CLCN5: variants seen among roughly 807,000 people sequenced by gnomAD.
The protein encoded by CLCN5 is H(+)/Cl(-) exchange transporter 5.
Under a neutral mutation model 54.0 loss-of-function variants are expected in CLCN5, and 17 were observed. The observed-to-expected ratio is 0.31, with a 90% CI of 0.22 to 0.47. The LOEUF is 0.47. Ranked by LOEUF, CLCN5 falls within the 20% of genes least tolerant of loss-of-function variation. The pLI is 1.00. For synonymous variants in CLCN5, 222 were observed against 233.0 expected (o/e 0.95, Z 0.43); for missense variants, 448 against 646.7 (o/e 0.69, Z 3.33).
chrX:49,923,808 G>C (rs1453931654), intron 2 of CLCN5: 2 of 112,081 alleles, frequency 1.8e-5, no homozygotes, highest in Non-Finnish European at 3.8e-5. Context: ...TTTCTCTGTT[G>C]GTGTTTTGGG....
intron 3 of CLCN5, among the ~76,000 whole-genome samples, chrX:50,029,359 G>T (rs1931577240): frequency 3.1e-5 from 3 of 98,167 alleles, no homozygotes; most frequent in African/African-American, 1.2e-4. Context: ...GTGTCCATGT[G>T]TTCTCTTTGT....
In CLCN5 at chrX:49,954,289, A is replaced by G. The variant is rs782316899; in HGVS notation, c.16+28975A>G. On this transcript the variant is annotated intron_variant, in intron 3 of 14. Coordinates refer to ENST00000376091, the MANE Select transcript of CLCN5 (RefSeq NM_001127898.4). ...CTGTGGGTCACGTGCAGTCCAGTAC[A>G]GCTTTGAATGTGGCCCAACACAAAT... 1.2e-4 allele frequency among the ~76,000 whole-genome samples: 13 copies of G among 111,654 alleles called. No individual in the cohort carries two copies. The South Asian group carries it at 3.7e-3, about 32-fold the overall frequency.
intron 9 of CLCN5, among the ~76,000 whole-genome samples, chrX:50,083,679 G>T (rs183216913): frequency 1.1e-4 from 12 of 111,976 alleles, no homozygotes; most frequent in Admixed American, 4.7e-4. Context: ...TTTTCTGAGT[G>T]AAATTCCAAT....
At chrX:50,055,145 A>G (rs782336670) in intron 4 of CLCN5, among the ~76,000 whole-genome samples, 1 of 111,916 alleles carries the variant, frequency 8.9e-6, no homozygotes. Context: ...CCAGTAGAAC[A>G]TTCTCAGTTA....
intron 3 of CLCN5, among the ~76,000 whole-genome samples, chrX:49,975,216 C>G (rs1928419393): frequency 9.0e-6 from 1 of 111,281 alleles, no homozygotes; most frequent in South Asian, 3.8e-4. Flanking sequence ...TAAATAACTC[C>G]TACATCCTTA....
rs1380930827 is a variant in CLCN5, at chrX:50,097,269, C to T, written c.*5050C>T. On this transcript the variant is annotated 3_prime_UTR_variant, in exon 15 of 15. Transcript: ENST00000376091. ...CATTCTCATTTCTAAACATCTGGAT[C>T]TGGGTAAAGGTTTGAATAGATGTAG... 8.9e-6 allele frequency: 1 copy of T among 112,409 alleles called. No homozygotes were observed. Among genetic ancestry groups the T allele is most frequent in the Admixed American group, 9.5e-5 (1 of 10,579 alleles). The allele number at this position is 112,409 out of a possible 1,213,427, so 9.3% of individuals were successfully genotyped here. A position where few individuals can be genotyped will look rare whatever the true frequency, so the allele number is the denominator to read the frequency against.
chrX:50,077,864 C>CAT (rs1385772150), intron 7 of CLCN5, among the ~76,000 whole-genome samples: 7 of 72,482 alleles, frequency 9.7e-5, no homozygotes, highest in Non-Finnish European at 1.7e-4. Context: ...TATATACACA[C>CAT]ATATATATAT....
chrX:50,079,673 GT>G (rs1933599703), intron 7 of CLCN5, among the ~76,000 whole-genome samples: 2 of 111,162 alleles, frequency 1.8e-5, no homozygotes, highest in Admixed American at 1.9e-4. Flanking sequence ...TACTTATATG[GT>G]TGTTCCTGAG....
intron 3 of CLCN5, among the ~76,000 whole-genome samples, chrX:50,029,943 T>C (rs1557185617): frequency 8.9e-6 from 1 of 112,253 alleles, no homozygotes; most frequent in Admixed American, 9.4e-5. Context: ...CACATATGTT[T>C]ATTGCGGCAC....
intron 3 of CLCN5, chrX:50,008,438 C>G (rs1557181887): frequency 2.9e-6 from 1 of 350,659 alleles, no homozygotes; most frequent in Admixed American, 2.5e-5. Context: ...TCTGCTCCCC[C>G]TCTCTAATCC....
At chrX:50,075,045 T>C (rs1158776013) in intron 6 of CLCN5, among the ~76,000 whole-genome samples, 2 of 112,039 alleles carry the variant, frequency 1.8e-5, no homozygotes, top group African/African-American at 6.5e-5. Flanking sequence ...TCATTTTCTT[T>C]GGTGAATGTT....
chrX:49,961,091 A>G (rs1443352008), intron 3 of CLCN5, among the ~76,000 whole-genome samples: 2 of 112,130 alleles, frequency 1.8e-5, no homozygotes, highest in Non-Finnish European at 3.8e-5. Context: ...CAGGTTGCCC[A>G]TGCCTGTTTA....
intron 3 of CLCN5, among the ~76,000 whole-genome samples, chrX:50,001,075 C>T (rs1317223839): frequency 9.0e-6 from 1 of 110,927 alleles, no homozygotes; most frequent in African/African-American, 3.3e-5. Flanking sequence ...TCTGACCTCT[C>T]CTCCATTACC....
intron 4 of CLCN5, among the ~76,000 whole-genome samples, chrX:50,054,951 G>A (rs1340957830): frequency 4.5e-5 from 5 of 111,451 alleles, no homozygotes; most frequent in Non-Finnish European, 9.4e-5. Context: ...GCTTCAGGGG[G>A]TATGTGCCAT....
chrX:50,090,617 G>A, intron 13 of CLCN5, 53 bp from the exon 14 acceptor site: 2 of 1,162,574 alleles, frequency 1.7e-6, no homozygotes. Flanking sequence ...GGAGCCAGAA[G>A]GATAGAGCTA....
intron 4 of CLCN5, among the ~76,000 whole-genome samples, chrX:50,058,065 G>A (rs1291750832): frequency 5.4e-5 from 6 of 111,803 alleles, no homozygotes; most frequent in African/African-American, 1.9e-4. Context: ...TAGGCATAAT[G>A]TTGAATTTTT....
At chrX:50,072,986 T>G (rs994450808) in intron 6 of CLCN5, among the ~76,000 whole-genome samples, 2 of 110,141 alleles carry the variant, frequency 1.8e-5, no homozygotes, top group Non-Finnish European at 3.8e-5. Context: ...AAACATCTAC[T>G]CTCTCATTTG....
At chrX:49,949,231 G>A (rs1323449710) in intron 3 of CLCN5, among the ~76,000 whole-genome samples, 2 of 112,161 alleles carry the variant, frequency 1.8e-5, no homozygotes, top group Non-Finnish European at 3.8e-5. Flanking sequence ...AGGTGTTACT[G>A]GCATCTAGTG....
chrX:50,071,603 A>G (rs1190886168), intron 5 of CLCN5, among the ~76,000 whole-genome samples: 1 of 112,260 alleles, frequency 8.9e-6, no homozygotes, highest in Non-Finnish European at 1.9e-5. Flanking sequence ...GTTTTATAGC[A>G]TTAACTGTTC....
Sources: allele counts gnomAD v4.1 joint callset (sites outside exome capture counted in the v4.1 genomes callset), GRCh38; gene constraint gnomAD v4.1.1; transcripts MANE v1.5; gene names NCBI Gene and HGNC (gene_info 2026-07-23, HGNC 2026-07-21).